TRIO: variants seen among roughly 807,000 people sequenced by gnomAD.
TRIO encodes the protein triple functional domain protein.
Under a neutral mutation model 351.9 loss-of-function variants are expected in TRIO, and 58 were observed. That is an observed-to-expected ratio of 0.16 (90% CI 0.13 to 0.21). The LOEUF is 0.21. Among genes scored for constraint, TRIO ranks in the 10% least tolerant of loss-of-function variants. TRIO has a pLI of 1.00. For synonymous variants in TRIO, 1,758 were observed against 1,595.7 expected (o/e 1.10, Z -2.42); for missense variants, 3,201 against 4,027.8 (o/e 0.79, Z 5.56).
At chr5:14,154,457 T>G (rs986803528) in intron 1 of TRIO, among the ~76,000 whole-genome samples, 1 of 152,176 alleles carries the variant, frequency 6.6e-6, no homozygotes, top group African/African-American at 2.4e-5. Flanking sequence ...GCCACTCATT[T>G]TTTTGCTGTT....
chr5:14,274,796 C>G (rs1735355652), intron 2 of TRIO, among the ~76,000 whole-genome samples: 2 of 152,144 alleles, frequency 1.3e-5, no homozygotes, highest in Admixed American at 1.3e-4. Flanking sequence ...TACACATTTT[C>G]TCTCTTATGA....
rs185081602 is a variant in TRIO at position 14,452,506 on chromosome 5, C to T, written c.5204-8513C>T. Among the ~76,000 whole-genome samples the T allele has an allele frequency of 2.9e-3, 441 of 152,320 alleles. 2 individuals carry two copies. Among genetic ancestry groups the T allele is most frequent in the Non-Finnish European group, 4.3e-3 (294 of 68,018 alleles). Reference sequence around the variant, plus strand: ...GGTGGCAGGGGTGTTAGTGGAACCCCGGCCCGGTGGCCTTGAGTGTCCACT... The same window carrying T: ...GGTGGCAGGGGTGTTAGTGGAACCCTGGCCCGGTGGCCTTGAGTGTCCACT... On this transcript the variant is annotated intron_variant, in intron 34 of 56. Coordinates refer to ENST00000344204, the MANE Select transcript of TRIO (RefSeq NM_007118.4).
chr5:14,284,907 G>T (rs1736309625), intron 3 of TRIO, among the ~76,000 whole-genome samples: 1 of 152,120 alleles, frequency 6.6e-6, no homozygotes, highest in African/African-American at 2.4e-5. Context: ...CTTGGCCTCC[G>T]GGCACCTGCC....
chr5:14,176,313 T>TA, intron 1 of TRIO, among the ~76,000 whole-genome samples: 2 of 151,994 alleles, frequency 1.3e-5, no homozygotes. Flanking sequence ...CTACTAAAAA[T>TA]AAAAAAATTA....
intron 1 of TRIO, among the ~76,000 whole-genome samples, chr5:14,158,234 G>T (rs1430144061): frequency 6.6e-6 from 1 of 152,048 alleles, no homozygotes; most frequent in African/African-American, 2.4e-5. Flanking sequence ...AGACCATCCT[G>T]GCCAACGTGG....
intron 1 of TRIO, among the ~76,000 whole-genome samples, chr5:14,220,977 A>G (rs1388902850): frequency 1.3e-5 from 2 of 152,222 alleles, no homozygotes; most frequent in Non-Finnish European, 2.9e-5. Context: ...TAGAGAGGAG[A>G]AATCAACATC....
intron 45 of TRIO, 132 bp downstream of exon 45, chr5:14,481,750 A>G (rs1389969983): frequency 3.2e-6 from 2 of 621,956 alleles, no homozygotes; most frequent in Non-Finnish European, 4.9e-6. Flanking sequence ...CTTTACCTCA[A>G]TCTGATTGAT....
intron 1 of TRIO, among the ~76,000 whole-genome samples, chr5:14,184,652 A>G (rs1789996603): frequency 6.6e-6 from 1 of 152,188 alleles, no homozygotes; most frequent in South Asian, 2.1e-4. Context: ...CATCTTTTAA[A>G]TGCTCCTGAT....
At chr5:14,372,561 C>G (rs1745214542) in intron 18 of TRIO, among the ~76,000 whole-genome samples, 1 of 152,164 alleles carries the variant, frequency 6.6e-6, no homozygotes, top group Non-Finnish European at 1.5e-5. Flanking sequence ...TATTCCCTCT[C>G]AGCTATTTGG....
intron 33 of TRIO, among the ~76,000 whole-genome samples, chr5:14,415,654 G>A (rs1749582542): frequency 6.6e-6 from 1 of 152,188 alleles, no homozygotes; most frequent in South Asian, 2.1e-4. Flanking sequence ...AACCAGAGAT[G>A]AGTATTTCAT....
At chr5:14,356,127 C>T (rs1445843102) in intron 11 of TRIO, among the ~76,000 whole-genome samples, 5 of 152,082 alleles carry the variant, frequency 3.3e-5, no homozygotes, top group African/African-American at 4.8e-5. Flanking sequence ...TTTGCCAGCA[C>T]TTTTCTTATT....
intron 34 of TRIO, among the ~76,000 whole-genome samples, chr5:14,460,164 C>T (rs545725562): frequency 3.9e-4 from 60 of 152,334 alleles, no homozygotes; most frequent in African/African-American, 1.4e-3. Flanking sequence ...GATCCACCTG[C>T]CTCGGCCTCC....
At chr5:14,432,639 C>G (rs908588961) in intron 34 of TRIO, among the ~76,000 whole-genome samples, 53 of 152,286 alleles carry the variant, frequency 3.5e-4, no homozygotes, top group African/African-American at 1.2e-3. Flanking sequence ...CAGATTTCTC[C>G]TCTTCCTACT....
intron 1 of TRIO, among the ~76,000 whole-genome samples, chr5:14,175,124 G>C (rs142134324): frequency 2.6e-5 from 4 of 152,252 alleles, no homozygotes; most frequent in Non-Finnish European, 4.4e-5. Context: ...TCTGAGAAGA[G>C]CTTCATAAGT....
intron 39 of TRIO, 70 bp downstream of exon 39, chr5:14,472,728 A>G: frequency 6.8e-7 from 1 of 1,470,754 alleles, no homozygotes; most frequent in South Asian, 1.2e-5. Context: ...ATCGTTTTAG[A>G]CAGTTGAACA....
Position 14,487,813 on chromosome 5 carries a change from C to G in TRIO, c.7185C>G (p.Pro2395=), listed in dbSNP as rs1004428168. 7 of 1,456,904 alleles carry G rather than the reference C, an allele frequency of 4.8e-6. No individual in the cohort carries two copies. The East Asian group carries it at 1.2e-4, about 25-fold the overall frequency. 90.2% of individuals were successfully genotyped at this position (1,456,904 alleles called of 1,614,324 possible). A position where few individuals can be genotyped will look rare whatever the true frequency, so the allele number is the denominator to read the frequency against. Residue 2395 remains proline (P), a synonymous_variant, in exon 48 of 57, where the codon CCC becomes CCG. Coordinates refer to ENST00000344204, the MANE Select transcript of TRIO (RefSeq NM_007118.4). ...AGPSAPSRRP[P]GADAEGSERE... ...CCAGCGCGCCCAGCAGGCGGCCCCC[C>G]GGCGCGGACGCCGAGGGGTCCGAGC...
In TRIO at chr5:14,168,624, GT is replaced by G. The variant is rs1361057125; in HGVS notation, c.157+24745del. Among the ~76,000 whole-genome samples, 3 of 152,298 alleles carry G rather than the reference GT, an allele frequency of 2.0e-5. No individual in the cohort carries two copies. In the East Asian group the frequency reaches 5.8e-4, roughly 29 times the overall value. On this transcript the variant is annotated intron_variant, in intron 1 of 56. Coordinates refer to ENST00000344204, the MANE Select transcript of TRIO (RefSeq NM_007118.4). ...TGTTTGTGGTGCATGTCTTCTTCCT[GT>G]TTCTTCTGATTCTGAGTTCCGCCCT...
intron 1 of TRIO, among the ~76,000 whole-genome samples, chr5:14,161,665 C>T (rs957188053): frequency 6.6e-6 from 1 of 152,120 alleles, no homozygotes; most frequent in Non-Finnish European, 1.5e-5. Flanking sequence ...AATACAGAAT[C>T]CCTAGAGATT....
At chr5:14,214,490 G>T (rs1212793543) in intron 1 of TRIO, among the ~76,000 whole-genome samples, 1 of 152,198 alleles carries the variant, frequency 6.6e-6, no homozygotes, top group Non-Finnish European at 1.5e-5. Flanking sequence ...GGTCATCTCA[G>T]TTTGGAAATA....
Sources: gnomAD v4.1 joint callset for allele counts (sites outside exome capture counted in the v4.1 genomes callset) on GRCh38, gnomAD v4.1.1 for gene constraint, MANE v1.5 for transcripts, NCBI Gene and HGNC (gene_info 2026-07-23, HGNC 2026-07-21) for gene names.